Variants in MALRD1 observed in about 807,000 individuals in gnomAD.
The protein encoded by MALRD1 is MAM and LDL-receptor class A domain-containing protein 1.
A neutral mutation model predicts 242.1 loss-of-function variants in MALRD1; 247 were observed. That is an observed-to-expected ratio of 1.02 (90% confidence interval 0.92 to 1.13). MALRD1 has a LOEUF of 1.13. Among genes scored for constraint, MALRD1 ranks in the 50% most tolerant of loss-of-function variants. MALRD1 has a pLI of 0.00. For synonymous variants in MALRD1, 995 were observed against 866.6 expected (o/e 1.15, Z -2.60); for missense variants, 2,989 against 2,533.1 (o/e 1.18, Z -3.86).
At chr10:19,437,406 G>C (rs1390137814) in intron 28 of MALRD1, among the ~76,000 whole-genome samples, 1 of 151,996 alleles carries the variant, frequency 6.6e-6, no homozygotes, top group Non-Finnish European at 1.5e-5. Flanking sequence ...CTGGAAGCTT[G>C]TGACATTTTC....
At position 19,447,694 on chromosome 10, in the gene MALRD1, C is replaced by A. The variant is rs150494293; in HGVS notation, c.4846-2613C>A. On this transcript the variant is annotated intron_variant, in intron 28 of 39. Coordinates refer to ENST00000454679, the MANE Select transcript of MALRD1 (RefSeq NM_001142308.3). The stretch of plus-strand genomic sequence containing the variant: ...AATTAAGTTTGTAAATCAAGACAGG[C>A]TTTTGTCAATATCCAGCCTGTAATA... Among the ~76,000 whole-genome samples, 618 of 152,214 alleles carry A rather than the reference C, an allele frequency of 4.1e-3. 5 individuals are homozygous for A. Among genetic ancestry groups the A allele is most frequent in the African/African-American group, 0.014 (589 of 41,540 alleles).
In MALRD1 at chr10:19,123,326, A is replaced by T. The variant is rs191194166; in HGVS notation, c.695-166A>T. Reference sequence around the variant, plus strand: ...GTGTATGTGTGTGTGTGTGTGTGTGAGAGAGAGAGAGAGAAAGAGATAGGG... The same window carrying T: ...GTGTATGTGTGTGTGTGTGTGTGTGTGAGAGAGAGAGAGAAAGAGATAGGG... On this transcript the variant is annotated intron_variant, in intron 5 of 39. Transcript: ENST00000454679. Among the ~76,000 whole-genome samples, 1,009 of 112,884 alleles carry T rather than the reference A, an allele frequency of 8.9e-3. 17 individuals are homozygous for T. The highest frequency in any genetic ancestry group is 0.033 in the African/African-American group (925 of 27,994). The allele number at this position is 112,884 out of a possible 152,430, so 74.1% of individuals were successfully genotyped here.
chr10:19,257,670 T>C lies in MALRD1; in HGVS notation c.2992-14T>C, dbSNP rs1175940471. The C allele has an allele frequency of 3.3e-6, 5 of 1,501,014 alleles. No individual in the cohort carries two copies. The Admixed American group carries it at 1.0e-4, about 30-fold the overall frequency. The allele number at this position is 1,501,014 out of a possible 1,614,324, so 93.0% of individuals were successfully genotyped here. ...ACACATTTCTTATTTTTATTTTTTA[T>C]TTTATTTTTTTAGATATTGGTGGAG... On this transcript the variant is annotated splice_polypyrimidine_tract_variant and intron_variant, in intron 18 of 39. Transcript: ENST00000454679.
intron 1 of MALRD1, among the ~76,000 whole-genome samples, chr10:19,056,591 C>A (rs947137591): frequency 3.3e-5 from 5 of 151,738 alleles, no homozygotes; most frequent in African/African-American, 1.2e-4. Flanking sequence ...TTTGTTAAGT[C>A]TTTTGGGTTT....
intron 36 of MALRD1, among the ~76,000 whole-genome samples, chr10:19,665,701 T>C (rs1841647633): frequency 6.6e-6 from 1 of 152,122 alleles, no homozygotes; most frequent in Admixed American, 6.6e-5. Flanking sequence ...AACTTCTCTA[T>C]GCTTTTGCTC....
At chr10:19,371,092 T>TAAAA (rs759092754) in intron 26 of MALRD1, among the ~76,000 whole-genome samples, 1 of 123,770 alleles carries the variant, frequency 8.1e-6, no homozygotes, top group African/African-American at 3.1e-5. Flanking sequence ...TCTACGAAAT[T>TAAAA]AAAAAAAAAA....
At chr10:19,273,208 C>T (rs956761703) in intron 19 of MALRD1, among the ~76,000 whole-genome samples, 2 of 151,984 alleles carry the variant, frequency 1.3e-5, no homozygotes, top group African/African-American at 4.8e-5. Context: ...TTCATAATTT[C>T]CATAATTGGG....
At chr10:19,204,819 C>CT in intron 16 of MALRD1, 79 bp from the exon 17 acceptor site, 1 of 1,367,646 alleles carries the variant, frequency 7.3e-7, no homozygotes, top group Non-Finnish European at 9.8e-7. Flanking sequence ...TGACTGTTGA[C>CT]TGAGTAGAAA....
rs1423295681 is a variant in MALRD1 at position 19,089,505 on chromosome 10, A to G, written c.597+1320A>G. ...GATATTAGCCCTTTGTCAGATGAGT[A>G]GGTTGTGAAAATTTTCTCCCATGTT... On this transcript the variant is annotated intron_variant, in intron 4 of 39. Coordinates refer to ENST00000454679, the MANE Select transcript of MALRD1 (RefSeq NM_001142308.3). 3.3e-4 allele frequency among the ~76,000 whole-genome samples: 3 copies of G among 9,178 alleles called. 1 individual carries two copies. The highest frequency in any genetic ancestry group is 4.8e-4 in the Non-Finnish European group (3 of 6,312). The allele number at this position is 9,178 out of a possible 152,430, so 6.0% of individuals were successfully genotyped here.
chr10:19,500,848 C>T (rs1009867316), intron 31 of MALRD1, among the ~76,000 whole-genome samples: 1 of 152,046 alleles, frequency 6.6e-6, no homozygotes, highest in Non-Finnish European at 1.5e-5. Flanking sequence ...TCTCAAATGC[C>T]AGGCACTTGG....
At chr10:19,346,590 A>G (rs1027595473) in intron 24 of MALRD1, among the ~76,000 whole-genome samples, 34 of 152,154 alleles carry the variant, frequency 2.2e-4, no homozygotes, top group African/African-American at 8.2e-4. Context: ...ATAAAGAATT[A>G]TTGTCGTTAA....
chr10:19,389,308 G>C, intron 27 of MALRD1, 144 bp from the exon 28 acceptor site: 1 of 924,152 alleles, frequency 1.1e-6, no homozygotes, highest in Non-Finnish European at 1.7e-6. Context: ...GAGGCTATTA[G>C]ATTTTCTTTC....
intron 28 of MALRD1, among the ~76,000 whole-genome samples, chr10:19,420,955 T>G (rs958057327): frequency 2.6e-5 from 4 of 152,188 alleles, no homozygotes; most frequent in African/African-American, 9.6e-5. Flanking sequence ...TCATTTTGAC[T>G]TTGTTCACAT....
intron 29 of MALRD1, among the ~76,000 whole-genome samples, chr10:19,472,710 A>T (rs777524258): frequency 4.5e-4 from 68 of 151,898 alleles, no homozygotes; most frequent in Admixed American, 1.1e-3. Flanking sequence ...TAGTAGTATC[A>T]TATGATCCTT....
intron 32 of MALRD1, among the ~76,000 whole-genome samples, chr10:19,566,347 G>A (rs891546445): frequency 7.3e-6 from 1 of 136,124 alleles, no homozygotes; most frequent in African/African-American, 2.7e-5. Context: ...AGACGTGTTA[G>A]CCAGGATGGT....
chr10:19,430,209 G>C (rs1834069730), intron 28 of MALRD1, among the ~76,000 whole-genome samples: 1 of 137,950 alleles, frequency 7.2e-6, no homozygotes, highest in Non-Finnish European at 1.5e-5. Context: ...TTGCCTCCTG[G>C]GTTCATGCCA....
At chr10:19,350,138 C>T (rs1844308605) in intron 25 of MALRD1, among the ~76,000 whole-genome samples, 1 of 151,792 alleles carries the variant, frequency 6.6e-6, no homozygotes. Flanking sequence ...CACCTCTGCC[C>T]CTTCATCTTG....
rs556263121 is a variant in MALRD1 at position 19,277,013 on chromosome 10, C to G, written c.3080-3034C>G. On this transcript the variant is annotated intron_variant, in intron 19 of 39. Transcript: ENST00000454679. The stretch of plus-strand genomic sequence containing the variant: ...CGGCTCACTGCAGCCTCAACCTCCC[C>G]AACTCAAGTGATTTTCCCACCTTAG... 1.5e-4 allele frequency among the ~76,000 whole-genome samples: 23 copies of G among 152,148 alleles called. 1 individual carries two copies. The East Asian group carries it at 4.1e-3, about 27-fold the overall frequency.
intron 5 of MALRD1, among the ~76,000 whole-genome samples, chr10:19,114,207 G>C (rs561100972): frequency 5.3e-4 from 80 of 152,186 alleles, no homozygotes; most frequent in African/African-American, 1.8e-3. Flanking sequence ...ATATAATGAG[G>C]CTTTATTGAA....
Sources: allele counts gnomAD v4.1 joint callset (sites outside exome capture counted in the v4.1 genomes callset), GRCh38; gene constraint gnomAD v4.1.1; transcripts MANE v1.5; gene names NCBI Gene and HGNC (gene_info 2026-07-23, HGNC 2026-07-21).